CISD2: variants seen among roughly 807,000 people sequenced by gnomAD.
CISD2 encodes the protein CDGSH iron sulfur domain 2, also known as CDGSH iron-sulfur domain-containing protein 2.
A neutral mutation model predicts 12.9 loss-of-function variants in CISD2; 1 was observed. The ratio of observed to expected loss-of-function variants is 0.08; its 90% CI spans 0.03 to 0.37. The LOEUF is 0.37. Among genes scored for constraint, CISD2 ranks in the 10% least tolerant of loss-of-function variants. CISD2 has a pLI of 0.99. For missense variants in CISD2, 97 were observed against 163.1 expected, an observed-to-expected ratio of 0.59 and a Z score of 2.21; for synonymous variants, 50 against 60.6, an observed-to-expected ratio of 0.83 and a Z score of 0.81.
chr4:102,877,977 G>A (rs1470117246), intron 1 of CISD2, among the ~76,000 whole-genome samples: 1 of 152,184 alleles, frequency 6.6e-6, no homozygotes, highest in Non-Finnish European at 1.5e-5. Flanking sequence ...TAGGCCTCTG[G>A]GCCTGTGATG....
intron 1 of CISD2, among the ~76,000 whole-genome samples, chr4:102,879,537 C>T (rs1733667613): frequency 6.6e-6 from 1 of 152,106 alleles, no homozygotes; most frequent in African/African-American, 2.4e-5. Flanking sequence ...AATCTCAGCA[C>T]TTTGGGAGGC....
chr4:102,885,511 C>A, intron 2 of CISD2, 81 bp downstream of exon 2: 1 of 1,073,016 alleles, frequency 9.3e-7, no homozygotes, highest in Non-Finnish European at 1.4e-6. Context: ...TTTTGAAGTT[C>A]TTTAAGATGA....
intron 1 of CISD2, among the ~76,000 whole-genome samples, chr4:102,878,529 T>C (rs929507689): frequency 6.4e-4 from 98 of 152,308 alleles, no homozygotes; most frequent in African/African-American, 2.3e-3. Context: ...GTCATCTCTC[T>C]CTCAAGTTTC....
At position 102,889,154 on chromosome 4, in the gene CISD2, G is replaced by T. The variant is rs1192393111; in HGVS notation, c.*1724G>T. On this transcript the variant is annotated 3_prime_UTR_variant, in exon 3 of 3. Coordinates refer to ENST00000273986, the MANE Select transcript of CISD2 (RefSeq NM_001008388.5). ...CATGTATTTTAGAGTTAGAAATGTAGTCTGGTTTTTGAGAAGTTTTACAAG... is the reference window on the plus strand; with the variant it reads ...CATGTATTTTAGAGTTAGAAATGTATTCTGGTTTTTGAGAAGTTTTACAAG... The T allele has an allele frequency of 2.6e-5, 4 of 152,226 alleles. No individual in the cohort carries two copies. Among genetic ancestry groups the T allele is most frequent in the Non-Finnish European group, 5.9e-5 (4 of 68,044 alleles). 9.4% of individuals were successfully genotyped at this position (152,226 alleles called of 1,614,324 possible).
chr4:102,877,460 T>C (rs367963714), intron 1 of CISD2, among the ~76,000 whole-genome samples: 67 of 152,314 alleles, frequency 4.4e-4, no homozygotes, highest in African/African-American at 1.6e-3. Context: ...ATGCCAGGGG[T>C]AGGCTCCCAT....
rs912738615 is a variant in CISD2 at position 102,889,101 on chromosome 4, A to G, written c.*1671A>G. On this transcript the variant is annotated 3_prime_UTR_variant, in exon 3 of 3. Transcript: ENST00000273986. ...ATGTAATGTCAGTAGGTTCAATTATATGATCGTAACATCTTCATGACCAGC... is the reference window on the plus strand; with the variant it reads ...ATGTAATGTCAGTAGGTTCAATTATGTGATCGTAACATCTTCATGACCAGC... 1.3e-5 allele frequency: 2 copies of G among 152,248 alleles called. No individual in the cohort carries two copies. The highest frequency in any genetic ancestry group is 4.8e-5 in the African/African-American group (2 of 41,462). The allele number at this position is 152,248 out of a possible 1,614,324, so 9.4% of individuals were successfully genotyped here.
At chr4:102,871,534 A>G (rs981913819) in intron 1 of CISD2, among the ~76,000 whole-genome samples, 4 of 152,214 alleles carry the variant, frequency 2.6e-5, no homozygotes, top group Non-Finnish European at 4.4e-5. Context: ...TGGTTTATGA[A>G]AAACATGAGA....
At chr4:102,876,355 C>T (rs994011779) in intron 1 of CISD2, among the ~76,000 whole-genome samples, 1 of 152,180 alleles carries the variant, frequency 6.6e-6, no homozygotes, top group African/African-American at 2.4e-5. Flanking sequence ...TTACTAAGCA[C>T]TGGTTACATA....
intron 2 of CISD2, 150 bp downstream of exon 2, chr4:102,885,580 G>C: frequency 2.9e-6 from 2 of 680,668 alleles, no homozygotes; most frequent in East Asian, 5.5e-5. Flanking sequence ...AAGTTTTCAT[G>C]TCATGATAGA....
intron 2 of CISD2, 115 bp downstream of exon 2, chr4:102,885,545 AT>A: frequency 1.2e-6 from 1 of 804,794 alleles, no homozygotes; most frequent in Non-Finnish European, 2.1e-6. Context: ...AATATTTGGT[AT>A]TGAAAGACCA....
rs1269619817 is a variant in CISD2 at position 102,891,782 on chromosome 4, A to G, written c.*4352A>G. 6.6e-6 allele frequency: 1 copy of G among 152,214 alleles called. No individual in the cohort carries two copies. Among genetic ancestry groups the G allele is most frequent in the Non-Finnish European group, 1.5e-5 (1 of 68,030 alleles). 9.4% of individuals were successfully genotyped at this position (152,214 alleles called of 1,614,324 possible). On this transcript the variant is annotated 3_prime_UTR_variant, in exon 3 of 3. Transcript: ENST00000273986. ...AAATAAAGCAGTAGCAATTTAAGTC[A>G]TAATAAATTTTGTTAGATGACTTCT...
rs1491069256 is a variant in CISD2, at chr4:102,889,636, TTC to T, written c.*2207_*2208del. 3 of 152,220 alleles carry T rather than the reference TTC, an allele frequency of 2.0e-5. No homozygotes were observed. The highest frequency in any genetic ancestry group is 4.8e-5 in the African/African-American group (2 of 41,458). The allele number at this position is 152,220 out of a possible 1,614,324, so 9.4% of individuals were successfully genotyped here. On this transcript the variant is annotated 3_prime_UTR_variant, in exon 3 of 3. Transcript: ENST00000273986. ...GTTGTACTCTCAGAATAAAGACTTT[TTC>T]CCTGCCACATTTTCAGTTGTTAAAA... is the stretch of plus-strand genomic sequence containing the variant.
intron 1 of CISD2, among the ~76,000 whole-genome samples, chr4:102,873,486 G>A (rs1733514999): frequency 6.6e-6 from 1 of 151,956 alleles, no homozygotes; most frequent in South Asian, 2.1e-4. Flanking sequence ...TGTTGCCCAG[G>A]CTGGTCTTGA....
chr4:102,875,077 G>A (rs1387823997), intron 1 of CISD2, among the ~76,000 whole-genome samples: 1 of 152,220 alleles, frequency 6.6e-6, no homozygotes, highest in Non-Finnish European at 1.5e-5. Flanking sequence ...TACGGCACCT[G>A]CTCAGTTCTA....
chr4:102,869,000 C>A lies in CISD2; in HGVS notation c.-85C>A. The A allele has an allele frequency of 6.9e-7, 1 of 1,442,414 alleles. No individual in the cohort carries two copies. Among genetic ancestry groups the A allele is most frequent in the Non-Finnish European group, 9.1e-7 (1 of 1,095,704 alleles). 89.4% of individuals were successfully genotyped at this position (1,442,414 alleles called of 1,614,324 possible). A position where few individuals can be genotyped will look rare whatever the true frequency, so the allele number is the denominator to read the frequency against. ...CCCAGGCCGAGGCCGCCAGTGCCCG[C>A]CGGCCGCTTCCGCTCCCGGCGCAGG... is the stretch of plus-strand genomic sequence containing the variant. On this transcript the variant is annotated 5_prime_UTR_variant, in exon 1 of 3. Transcript: ENST00000273986.
Position 102,874,994 on chromosome 4 carries a change from A to G in CISD2, c.103+5807A>G, listed in dbSNP as rs117021890. 1.0e-3 allele frequency among the ~76,000 whole-genome samples: 155 copies of G among 152,338 alleles called. 2 individuals carry two copies. In the East Asian group the frequency reaches 0.025, roughly 25 times the overall value. ...AATTTCCTAGTTAGGCTAATATTCA[A>G]ATATTTCAGTGGTTTCCTATTATGC... On this transcript the variant is annotated intron_variant, in intron 1 of 2. Coordinates refer to ENST00000273986, the MANE Select transcript of CISD2 (RefSeq NM_001008388.5).
chr4:102,874,374 A>G (rs1027577208), intron 1 of CISD2: 2 of 152,176 alleles, frequency 1.3e-5, no homozygotes, highest in African/African-American at 4.8e-5. Flanking sequence ...ATTGGGTACT[A>G]TCCTCACTAC....
intron 1 of CISD2, chr4:102,874,670 CTGT>C (rs1195589619): frequency 2.0e-5 from 3 of 152,138 alleles, no homozygotes; most frequent in Non-Finnish European, 4.4e-5. Context: ...GCCACTAGAA[CTGT>C]GAGTGAATAC....
chr4:102,871,713 A>G (rs898824157), intron 1 of CISD2, among the ~76,000 whole-genome samples: 2 of 152,236 alleles, frequency 1.3e-5, no homozygotes, highest in Non-Finnish European at 2.9e-5. Context: ...CATAATGTAC[A>G]CTTTTGTTAA....
Sources: gnomAD v4.1 joint callset for allele counts (sites outside exome capture counted in the v4.1 genomes callset) on GRCh38, gnomAD v4.1.1 for gene constraint, MANE v1.5 for transcripts, NCBI Gene and HGNC (gene_info 2026-07-23, HGNC 2026-07-21) for gene names.